The following POU6F2 variants were observed in gnomAD, a reference collection of about 807,000 sequenced individuals.
POU6F2 encodes POU class 6 homeobox 2.
A neutral mutation model predicts 71.3 loss-of-function variants in POU6F2; 31 were observed. The observed-to-expected ratio is 0.43, with a 90% CI of 0.33 to 0.59. The LOEUF is 0.59. POU6F2 is among the 20% of genes least tolerant of loss of function. The pLI, the probability that POU6F2 is intolerant of heterozygous loss-of-function variation, is 0.04. For synonymous variants in POU6F2, 347 were observed against 355.7 expected (o/e 0.98, Z 0.27); for missense variants, 783 against 856.8 (o/e 0.91, Z 1.07).
intron 7 of POU6F2, among the ~76,000 whole-genome samples, chr7:39,438,395 G>A (rs1018432701): frequency 4.6e-5 from 7 of 152,092 alleles, no homozygotes; most frequent in African/African-American, 7.2e-5. Flanking sequence ...GAGTAGTGCC[G>A]CAATAAACAT....
Position 39,152,034 on chromosome 7 carries a change from A to G in POU6F2, c.278-52201A>G, listed in dbSNP as rs76975962. 1.8e-3 allele frequency among the ~76,000 whole-genome samples: 272 copies of G among 152,314 alleles called. 1 individual carries two copies. The highest frequency in any genetic ancestry group is 6.2e-3 in the African/African-American group (258 of 41,560). On this transcript the variant is annotated intron_variant, in intron 2 of 9. Coordinates refer to ENST00000518318, the MANE Select transcript of POU6F2 (RefSeq NM_001370959.1). Reference sequence around the variant, plus strand: ...TAGAGAAAAAGGTGATCTGCAGGCCAAGGACATTGTCCACACTGCCTATTT... The same window carrying G: ...TAGAGAAAAAGGTGATCTGCAGGCCGAGGACATTGTCCACACTGCCTATTT...
intron 1 of POU6F2, among the ~76,000 whole-genome samples, chr7:38,989,284 T>C (rs903264563): frequency 2.0e-5 from 3 of 152,132 alleles, no homozygotes; most frequent in Admixed American, 2.0e-4. Flanking sequence ...TTTAGACTTA[T>C]AAAGTAATCT....
At chr7:39,188,692 G>A (rs1443522784) in intron 2 of POU6F2, among the ~76,000 whole-genome samples, 1 of 152,166 alleles carries the variant, frequency 6.6e-6, no homozygotes, top group African/African-American at 2.4e-5. Context: ...CCTGAATTTT[G>A]CAGAATCTAA....
At position 39,464,118 on chromosome 7, in the gene POU6F2, G is replaced by A; in HGVS notation, c.1659-64G>A. On this transcript the variant is annotated intron_variant, in intron 9 of 9. Coordinates refer to ENST00000518318, the MANE Select transcript of POU6F2 (RefSeq NM_001370959.1). The surrounding 1 kb of genome is among the most constrained non-coding windows in gnomAD (Gnocchi z 4.1). ...CCCTGCCAGGCAGTCAGGCAGGCAGGCAGGAGGCCCACCCTGGCAGAGGAC... is the reference window on the plus strand; with the variant it reads ...CCCTGCCAGGCAGTCAGGCAGGCAGACAGGAGGCCCACCCTGGCAGAGGAC... 3 of 1,545,752 alleles carry A rather than the reference G, an allele frequency of 1.9e-6. No homozygotes were observed. Among genetic ancestry groups the A allele is most frequent in the South Asian group, 2.5e-5 (2 of 80,444 alleles).
intron 1 of POU6F2, among the ~76,000 whole-genome samples, chr7:39,023,037 C>T (rs1321197007): frequency 1.1e-4 from 16 of 151,962 alleles, no homozygotes; most frequent in Admixed American, 5.9e-4. Flanking sequence ...TAATCATTCT[C>T]GTAGGTGGGT....
intron 4 of POU6F2, among the ~76,000 whole-genome samples, chr7:39,282,538 T>C (rs1784579864): frequency 1.3e-5 from 2 of 152,158 alleles, no homozygotes; most frequent in Admixed American, 1.3e-4. Flanking sequence ...TTGAAGAGAA[T>C]GTCCTTTTCC....
At chr7:39,215,979 G>A (rs1445238092) in intron 4 of POU6F2, among the ~76,000 whole-genome samples, 1 of 152,152 alleles carries the variant, frequency 6.6e-6, no homozygotes, top group African/African-American at 2.4e-5. Context: ...CCCCTGTCTG[G>A]GATATGTTTT....
intron 1 of POU6F2, 84 bp downstream of exon 1, chr7:38,978,142 A>G (rs951117901): frequency 2.0e-5 from 3 of 152,214 alleles, no homozygotes; most frequent in Non-Finnish European, 2.9e-5. Context: ...TTACAGTACC[A>G]TCTTTCTATC....
rs1332804235 is a variant in POU6F2 at position 39,451,712 on chromosome 7, T to C, written c.1489+11T>C. 3.8e-6 allele frequency: 6 copies of C among 1,569,138 alleles called. No homozygotes were observed. The highest frequency in any genetic ancestry group is 5.2e-6 in the Non-Finnish European group (6 of 1,156,166). Reference sequence around the variant, plus strand: ...GCCAGTTAGTCAGCAGTAAGTATCCTTTCTGGCTCGGTTTAAATCGTGGTG... The same window carrying C: ...GCCAGTTAGTCAGCAGTAAGTATCCCTTCTGGCTCGGTTTAAATCGTGGTG... On this transcript the variant is annotated intron_variant, in intron 8 of 9. Coordinates refer to ENST00000518318, the MANE Select transcript of POU6F2 (RefSeq NM_001370959.1).
At chr7:39,377,041 A>G (rs986631940) in intron 5 of POU6F2, among the ~76,000 whole-genome samples, 27 of 148,248 alleles carry the variant, frequency 1.8e-4, no homozygotes, top group African/African-American at 6.1e-4. Context: ...AAGTGAATTA[A>G]AATCAATTGT....
chr7:39,238,228 A>G (rs1321888632), intron 4 of POU6F2, among the ~76,000 whole-genome samples: 5 of 152,166 alleles, frequency 3.3e-5, no homozygotes, highest in Non-Finnish European at 7.4e-5. Context: ...GAGCACAAAG[A>G]TAGTACTCGC....
intron 2 of POU6F2, among the ~76,000 whole-genome samples, chr7:39,119,804 GT>G (rs1250811593): frequency 6.6e-6 from 1 of 152,124 alleles, no homozygotes; most frequent in East Asian, 1.9e-4. Flanking sequence ...TTAATAGTTG[GT>G]TTGGTTCCTT....
intron 1 of POU6F2, among the ~76,000 whole-genome samples, chr7:39,063,390 T>C (rs1480411002): frequency 6.6e-6 from 1 of 152,060 alleles, no homozygotes; most frequent in Non-Finnish European, 1.5e-5. Context: ...AGGAGTTCCT[T>C]GAGGAAAGAA....
intron 2 of POU6F2, among the ~76,000 whole-genome samples, chr7:39,179,184 C>T (rs1477814793): frequency 1.3e-5 from 2 of 152,134 alleles, no homozygotes; most frequent in African/African-American, 2.4e-5. Flanking sequence ...TCTTAAGTGC[C>T]GTGGAATGAT....
chr7:39,028,038 G>A (rs1373626840), intron 1 of POU6F2, among the ~76,000 whole-genome samples: 1 of 152,056 alleles, frequency 6.6e-6, no homozygotes, highest in Non-Finnish European at 1.5e-5. Context: ...CCAAAACTAA[G>A]TAATGTAAAA....
At chr7:39,453,289 G>A (rs956970281) in intron 8 of POU6F2, among the ~76,000 whole-genome samples, 5 of 151,846 alleles carry the variant, frequency 3.3e-5, no homozygotes, top group African/African-American at 1.2e-4. Context: ...TTTAATTATA[G>A]CCAGATTTCC....
chr7:39,463,972 C>G (rs1419562590), intron 9 of POU6F2, among the ~76,000 whole-genome samples: 2 of 152,206 alleles, frequency 1.3e-5, no homozygotes, highest in Non-Finnish European at 2.9e-5. Flanking sequence ...TGCTTCTCAT[C>G]ACCCCTGTCT....
intron 4 of POU6F2, among the ~76,000 whole-genome samples, chr7:39,221,674 A>G (rs1405898275): frequency 2.0e-5 from 3 of 152,188 alleles, no homozygotes; most frequent in Non-Finnish European, 2.9e-5. Context: ...AGTGTGAGCC[A>G]TCGCACCTGG....
At chr7:39,302,964 A>G (rs1696986736) in intron 4 of POU6F2, among the ~76,000 whole-genome samples, 1 of 152,218 alleles carries the variant, frequency 6.6e-6, no homozygotes, top group Non-Finnish European at 1.5e-5. Flanking sequence ...TACCCAGAGT[A>G]TATCAGTTGC....
Sources: allele counts gnomAD v4.1 joint callset (sites outside exome capture counted in the v4.1 genomes callset), GRCh38; gene constraint gnomAD v4.1.1; non-coding constraint Gnocchi (gnomAD v3.1); transcripts MANE v1.5; gene names NCBI Gene and HGNC (gene_info 2026-07-23, HGNC 2026-07-21).